NEMF: variants seen among roughly 807,000 people sequenced by gnomAD.
NEMF encodes ribosome quality control complex subunit NEMF.
In NEMF, 89 loss-of-function variants were observed where a neutral mutation model predicts 162.2. The ratio of observed to expected loss-of-function variants is 0.55; its 90% CI spans 0.46 to 0.65. NEMF has a LOEUF of 0.65. Ranked by LOEUF, NEMF falls within the 30% of genes least tolerant of loss-of-function variation. The pLI is 0.00. For missense variants in NEMF, 1,133 were observed against 1,261.9 expected, an observed-to-expected ratio of 0.90 and a Z score of 1.55; for synonymous variants, 421 against 404.5, an observed-to-expected ratio of 1.04 and a Z score of -0.49.
chr14:49,842,416 A>G (rs1893259721), intron 4 of NEMF, among the ~76,000 whole-genome samples: 1 of 152,228 alleles, frequency 6.6e-6, no homozygotes. Flanking sequence ...AACCTTTTCA[A>G]TAAAAAAGAA....
intron 3 of NEMF, 136 bp downstream of exon 3, chr14:49,851,427 C>A (rs1893769652): frequency 6.4e-6 from 4 of 623,508 alleles, no homozygotes; most frequent in Non-Finnish European, 8.5e-6. Flanking sequence ...CTTTATTCAA[C>A]CCATTATCTG....
chr14:49,814,956 G>C, intron 16 of NEMF, 99 bp from the exon 17 acceptor site: 1 of 675,544 alleles, frequency 1.5e-6, no homozygotes, highest in Admixed American at 3.4e-5. Flanking sequence ...TTTAAGACAA[G>C]TTGATGGTTT....
At chr14:49,841,530 A>AC (rs2140010318) in intron 4 of NEMF, among the ~76,000 whole-genome samples, 2 of 142,076 alleles carry the variant, frequency 1.4e-5, no homozygotes, top group Non-Finnish European at 3.0e-5. Context: ...GCTGAGACTG[A>AC]GCCATTGCAC....
intron 19 of NEMF, among the ~76,000 whole-genome samples, chr14:49,804,139 G>A (rs1316015787): frequency 4.0e-5 from 6 of 150,726 alleles, no homozygotes; most frequent in Non-Finnish European, 8.9e-5. Context: ...CAGGTACCTG[G>A]GATTACAGGT....
At chr14:49,789,752 G>A (rs763115405) in intron 26 of NEMF, among the ~76,000 whole-genome samples, 179 bp from the exon 27 acceptor site, 7 of 152,152 alleles carry the variant, frequency 4.6e-5, no homozygotes, top group South Asian at 4.1e-4. Context: ...CATCTTCAAG[G>A]AATTTACCAT....
intron 15 of NEMF, among the ~76,000 whole-genome samples, chr14:49,827,519 C>A (rs1009298241): frequency 1.3e-5 from 2 of 152,102 alleles, no homozygotes; most frequent in African/African-American, 4.8e-5. Context: ...CACAACGGGG[C>A]TAGGCATGGT....
At chr14:49,803,145 G>T in intron 20 of NEMF, 92 bp downstream of exon 20, 1 of 961,258 alleles carries the variant, frequency 1.0e-6, no homozygotes, top group Non-Finnish European at 1.6e-6. Context: ...CGAGTAATTT[G>T]TTTTTGTTCT....
intron 9 of NEMF, 34 bp downstream of exon 9, chr14:49,832,173 T>C (rs1892672615): frequency 6.3e-7 from 1 of 1,598,814 alleles, no homozygotes; most frequent in Non-Finnish European, 8.5e-7. Flanking sequence ...TTAACAAACA[T>C]CCAAAGCAAA....
intron 1 of NEMF, among the ~76,000 whole-genome samples, chr14:49,852,395 TAACAA>T (rs1265759104): frequency 6.6e-6 from 1 of 152,230 alleles, no homozygotes; most frequent in African/African-American, 2.4e-5. Context: ...TCTCGTGTTT[TAACAA>T]ACGTTTCCTG....
At chr14:49,843,886 G>A (rs1893337670) in intron 4 of NEMF, among the ~76,000 whole-genome samples, 1 of 152,196 alleles carries the variant, frequency 6.6e-6, no homozygotes, top group Non-Finnish European at 1.5e-5. Flanking sequence ...ATCACCTGAG[G>A]TCAGGAGTTT....
At position 49,782,126 on chromosome 14, in the gene NEMF, C is replaced by G. The variant is rs532233481; in HGVS notation, c.*2510G>C. ...GCTAACAAAGACCTAGAGAACAGAT[C>G]GTTCAGTTCAAACTCCTCATTGCAT... On this transcript the variant is annotated 3_prime_UTR_variant, in exon 33 of 33. Coordinates refer to ENST00000298310, the MANE Select transcript of NEMF (RefSeq NM_004713.6). The G allele has an allele frequency of 4.6e-5, 21 of 456,300 alleles. No homozygotes were observed. In the South Asian group the frequency reaches 6.3e-4, roughly 14 times the overall value. 28.3% of individuals were successfully genotyped at this position (456,300 alleles called of 1,614,324 possible).
chr14:49,834,303 A>G, intron 7 of NEMF, 60 bp downstream of exon 7: 2 of 1,213,290 alleles, frequency 1.6e-6, no homozygotes, highest in Non-Finnish European at 2.4e-6. Context: ...ACTTTCCCAG[A>G]AAAAATTTTC....
Position 49,784,661 on chromosome 14 carries a change from T to G in NEMF, c.3206A>C (p.Asn1069Thr). ...IPGKVKVSAP[N>T]LLNVKRK is the part of the protein sequence containing the mutation. ...CTATTTCCTTTTTACGTTCAGAAGATTGGGTGCAGACACTTTCACTTTGCC... is the reference window on the plus strand; with the variant it reads ...CTATTTCCTTTTTACGTTCAGAAGAGTGGGTGCAGACACTTTCACTTTGCC... The change falls in exon 33 of 33, where the codon AAT becomes ACT. Residue 1069 changes from asparagine to threonine, a missense_variant. Physicochemically the swap from Asn to Thr is moderately conservative, Grantham distance 65 (BLOSUM62 0). Transcript: ENST00000298310. 1 of 1,611,512 alleles carries G rather than the reference T, an allele frequency of 6.2e-7. No individual in the cohort carries two copies. The highest frequency in any genetic ancestry group is 1.3e-5 in the African/African-American group (1 of 74,956).
chr14:49,802,685 A>C lies in NEMF; in HGVS notation c.1958T>G (p.Phe653Cys). ...GAAGAGTACCTTAAAAAGGAAGCTA[A>C]ACCCCATCATTAGATATGAGGGAGG... ...FLPPSYLMMGFSFLFKVDESC... is the reference protein window; with the variant it reads ...FLPPSYLMMGCSFLFKVDESC... Residue 653 changes from phenylalanine to cysteine, a missense_variant, in exon 21 of 33, where the codon TTT becomes TGT. Coordinates refer to ENST00000298310, the MANE Select transcript of NEMF (RefSeq NM_004713.6). 6.2e-7 allele frequency: 1 copy of C among 1,612,892 alleles called. No individual in the cohort carries two copies. The highest frequency in any genetic ancestry group is 8.5e-7 in the Non-Finnish European group (1 of 1,179,444).
At chr14:49,839,999 A>C (rs1238430657) in intron 5 of NEMF, among the ~76,000 whole-genome samples, 1 of 152,174 alleles carries the variant, frequency 6.6e-6, no homozygotes, top group African/African-American at 2.4e-5. Context: ...TGTCTACAAA[A>C]AAATTTAAAA....
intron 16 of NEMF, 111 bp downstream of exon 16, chr14:49,825,756 A>C (rs1892308106): frequency 2.9e-6 from 2 of 679,158 alleles, no homozygotes; most frequent in Non-Finnish European, 4.9e-6. Flanking sequence ...AAAATTGCAG[A>C]GCTACTGGTT....
At position 49,789,209 on chromosome 14, in the gene NEMF, C is replaced by A; in HGVS notation, c.2832G>T (p.Pro944=). 1.2e-6 allele frequency: 2 copies of A among 1,614,100 alleles called. No individual in the cohort carries two copies. The highest frequency in any genetic ancestry group is 1.7e-6 in the Non-Finnish European group (2 of 1,179,992). Reference sequence around the variant, plus strand: ...ACTCATGAGTTATAACCTCAAGGAACGGAGTTTCTTTCTTAATGTTGTCAG... The same window carrying A: ...ACTCATGAGTTATAACCTCAAGGAAAGGAGTTTCTTTCTTAATGTTGTCAG... ...RVSDNIKKET[P]FLEVITHELQ... Residue 944 remains proline, a synonymous_variant, in exon 28 of 33, where the codon CCG becomes CCT. Transcript: ENST00000298310.
chr14:49,848,187 A>C (rs183679404), intron 3 of NEMF, among the ~76,000 whole-genome samples: 137 of 152,198 alleles, frequency 9.0e-4, no homozygotes, highest in African/African-American at 3.0e-3. Flanking sequence ...AAACTTTACT[A>C]ATATAACCCA....
At chr14:49,841,717 T>C (rs1893222172) in intron 4 of NEMF, among the ~76,000 whole-genome samples, 1 of 152,178 alleles carries the variant, frequency 6.6e-6, no homozygotes, top group African/African-American at 2.4e-5. Flanking sequence ...ATATAGTTAA[T>C]TATACCATTT....
Sources: allele counts gnomAD v4.1 joint callset (sites outside exome capture counted in the v4.1 genomes callset), GRCh38; gene constraint gnomAD v4.1.1; transcripts MANE v1.5; gene names NCBI Gene and HGNC (gene_info 2026-07-23, HGNC 2026-07-21).